Variants in NUBPL observed in about 807,000 individuals in gnomAD.
NUBPL encodes NUBP iron-sulfur cluster assembly factor, mitochondrial.
In NUBPL, 31 loss-of-function variants were observed where a neutral mutation model predicts 45.7. That is an observed-to-expected ratio of 0.68 (90% CI 0.51 to 0.92). NUBPL has a LOEUF of 0.92. Ranked by LOEUF, NUBPL falls within the 40% of genes least tolerant of loss-of-function variation. The probability of loss-of-function intolerance (pLI) is 0.00; values close to 1 mark genes in which losing one functional copy is unlikely to be tolerated. For missense variants in NUBPL, 401 were observed against 398.7 expected, an observed-to-expected ratio of 1.01 and a Z score of -0.05; for synonymous variants, 144 against 140.9, an observed-to-expected ratio of 1.02 and a Z score of -0.15.
intron 4 of NUBPL, among the ~76,000 whole-genome samples, chr14:31,664,306 T>C (rs1366041974): frequency 6.6e-6 from 1 of 152,246 alleles, no homozygotes; most frequent in Admixed American, 6.5e-5. Context: ...CATCCTTGTC[T>C]TGTGCTGGTT....
At chr14:31,678,574 T>C (rs570491515) in intron 6 of NUBPL, among the ~76,000 whole-genome samples, 10 of 152,158 alleles carry the variant, frequency 6.6e-5, no homozygotes, top group Admixed American at 1.3e-4. Flanking sequence ...CCAGGGTGTG[T>C]CTAGGAATGT....
intron 7 of NUBPL, among the ~76,000 whole-genome samples, chr14:31,817,429 A>G (rs1467397213): frequency 1.3e-5 from 2 of 152,154 alleles, no homozygotes; most frequent in Non-Finnish European, 2.9e-5. Flanking sequence ...AGCCAGAGAG[A>G]AAGGTCGGGT....
At chr14:31,848,123 T>C (rs913933272) in intron 9 of NUBPL, among the ~76,000 whole-genome samples, 2 of 152,192 alleles carry the variant, frequency 1.3e-5, no homozygotes, top group Non-Finnish European at 2.9e-5. Flanking sequence ...AGATGTACAA[T>C]TACCCTAAAA....
At chr14:31,763,964 A>T (rs925711353) in intron 6 of NUBPL, among the ~76,000 whole-genome samples, 1 of 152,222 alleles carries the variant, frequency 6.6e-6, no homozygotes, top group Non-Finnish European at 1.5e-5. Flanking sequence ...TGGTACTGAA[A>T]CTAAGGCAGA....
At chr14:31,625,159 AG>A (rs1344610699) in intron 4 of NUBPL, among the ~76,000 whole-genome samples, 1 of 152,234 alleles carries the variant, frequency 6.6e-6, no homozygotes, top group Non-Finnish European at 1.5e-5. Flanking sequence ...AAAGAAGACC[AG>A]GAAAGAACTG....
chr14:31,782,661 C>T lies in NUBPL; in HGVS notation c.514-5119C>T, dbSNP rs1056153836. On this transcript the variant is annotated intron_variant, in intron 6 of 10. Transcript: ENST00000281081. ...GAAAAACATTAGCCAATTGTGATGG[C>T]GGGCACCTGTCATCCCAGCTACTGG... is the stretch of plus-strand genomic sequence containing the variant. Among the ~76,000 whole-genome samples, 11 of 151,928 alleles carry T rather than the reference C, an allele frequency of 7.2e-5. 1 individual carries two copies. The highest frequency in any genetic ancestry group is 3.9e-4 in the East Asian group (2 of 5,118).
chr14:31,681,325 T>A (rs1465842922), intron 6 of NUBPL, among the ~76,000 whole-genome samples: 1 of 152,044 alleles, frequency 6.6e-6, no homozygotes, highest in Non-Finnish European at 1.5e-5. Flanking sequence ...TTGTATAATG[T>A]ACACATGAAA....
chr14:31,700,401 G>A (rs543506587), intron 6 of NUBPL, among the ~76,000 whole-genome samples: 60 of 152,254 alleles, frequency 3.9e-4, no homozygotes, highest in African/African-American at 1.2e-3. Flanking sequence ...GGCAGCCCTC[G>A]CTTGCTCTCG....
At chr14:31,577,906 C>T in intron 3 of NUBPL, 1 of 1,245,190 alleles carries the variant, frequency 8.0e-7, no homozygotes, top group Non-Finnish European at 1.1e-6. Context: ...ATTTCCTCCT[C>T]TATTGGTTCA....
chr14:31,656,053 T>C (rs2036133562), intron 4 of NUBPL, among the ~76,000 whole-genome samples: 1 of 152,252 alleles, frequency 6.6e-6, no homozygotes, highest in African/African-American at 2.4e-5. Context: ...ACATCAGCAC[T>C]TGCTTCTTCA....
chr14:31,634,546 C>T (rs2035435060), intron 4 of NUBPL, among the ~76,000 whole-genome samples: 1 of 152,206 alleles, frequency 6.6e-6, no homozygotes, highest in East Asian at 1.9e-4. Flanking sequence ...CTGCTATAAA[C>T]ATACGTGTTC....
chr14:31,673,433 A>G, intron 5 of NUBPL, 39 bp downstream of exon 5: 1 of 1,604,266 alleles, frequency 6.2e-7, no homozygotes. Context: ...TTTTCAGAAT[A>G]ATGTTGATTA....
rs570933660 is a variant in NUBPL, at chr14:31,728,515, A to G, written c.513+54941A>G. Among the ~76,000 whole-genome samples, 8 of 152,298 alleles carry G rather than the reference A, an allele frequency of 5.3e-5. No individual in the cohort carries two copies. The South Asian group carries it at 1.7e-3, about 32-fold the overall frequency. On this transcript the variant is annotated intron_variant, in intron 6 of 10. Transcript: ENST00000281081. ...TATTTTGTTAGAACCACCTTGTAAC[A>G]TGATGGTGTCTGTATAAAGCCTGTA...
intron 6 of NUBPL, among the ~76,000 whole-genome samples, chr14:31,779,544 C>T (rs1264889881): frequency 6.6e-6 from 1 of 151,992 alleles, no homozygotes; most frequent in Non-Finnish European, 1.5e-5. Context: ...CTAGTTTGTC[C>T]CCAATTCTGA....
intron 6 of NUBPL, among the ~76,000 whole-genome samples, chr14:31,694,057 G>A (rs28411824): frequency 0.086 from 13,010 of 151,778 alleles, 674 homozygotes; most frequent in African/African-American, 0.15. Flanking sequence ...GGGTTTCACC[G>A]TGTTAGCCAG....
chr14:31,847,367 C>G (rs1325771601), intron 9 of NUBPL, among the ~76,000 whole-genome samples: 2 of 152,204 alleles, frequency 1.3e-5, no homozygotes, highest in Non-Finnish European at 2.9e-5. Context: ...GCAGTATTTA[C>G]TGTTTTCTGT....
At chr14:31,637,896 G>C (rs1005744276) in intron 4 of NUBPL, among the ~76,000 whole-genome samples, 1 of 152,132 alleles carries the variant, frequency 6.6e-6, no homozygotes, top group African/African-American at 2.4e-5. Context: ...TTTTATCAGA[G>C]ACTAGGATTG....
intron 4 of NUBPL, among the ~76,000 whole-genome samples, chr14:31,620,831 T>C (rs564398268): frequency 3.4e-4 from 52 of 152,334 alleles, no homozygotes; most frequent in Non-Finnish European, 6.8e-4. Flanking sequence ...TCTGCTGCTC[T>C]CTTCAGAGCT....
chr14:31,661,464 T>G (rs2139770879), intron 4 of NUBPL, among the ~76,000 whole-genome samples: 1 of 152,350 alleles, frequency 6.6e-6, no homozygotes, highest in East Asian at 1.9e-4. Context: ...GTACCTGTAA[T>G]CATGAGTTGT....
Sources: allele counts gnomAD v4.1 joint callset (sites outside exome capture counted in the v4.1 genomes callset), GRCh38; gene constraint gnomAD v4.1.1; transcripts MANE v1.5; gene names NCBI Gene and HGNC (gene_info 2026-07-23, HGNC 2026-07-21).